ELFN2: variants seen among roughly 807,000 people sequenced by gnomAD.
ELFN2 encodes the protein protein phosphatase 1 regulatory subunit 29.
ELFN2 carries 17 observed loss-of-function variants against 45.5 expected under a neutral mutation model. The observed-to-expected ratio is 0.37, with a 90% CI of 0.26 to 0.56. ELFN2 has a LOEUF of 0.56. ELFN2 is among the 20% of genes least tolerant of loss of function. The pLI is 0.77. For synonymous variants in ELFN2, 550 were observed against 551.5 expected, an observed-to-expected ratio of 1.00 and a Z score of 0.04; for missense variants, 922 against 1,183.2, an observed-to-expected ratio of 0.78 and a Z score of 3.24.
At chr22:37,427,079 AC>A (rs1601777266) in intron 1 of ELFN2, 1 of 148,602 alleles carries the variant, frequency 6.7e-6, no homozygotes, top group South Asian at 2.1e-4. Context: ...CGCCACCACC[AC>A]CACCTCCCTC....
chr22:37,422,886 C>T (rs548192442), intron 1 of ELFN2, among the ~76,000 whole-genome samples: 3 of 150,260 alleles, frequency 2.0e-5, no homozygotes, highest in East Asian at 4.0e-4. Flanking sequence ...TGAGCCACCA[C>T]GCCCAACCAA....
At chr22:37,388,372 C>A (rs1932007771) in intron 2 of ELFN2, among the ~76,000 whole-genome samples, 1 of 152,140 alleles carries the variant, frequency 6.6e-6, no homozygotes, top group South Asian at 2.1e-4. Flanking sequence ...GCTGCTGCTA[C>A]CTCTGGACTG....
At chr22:37,419,330 C>A (rs1431441367) in intron 1 of ELFN2, among the ~76,000 whole-genome samples, 1 of 151,682 alleles carries the variant, frequency 6.6e-6, no homozygotes, top group Non-Finnish European at 1.5e-5. Flanking sequence ...ACACACTATA[C>A]CCTAACACAC....
chr22:37,365,464 G>A (rs1429701245), downstream of ELFN2, among the ~76,000 whole-genome samples: 1 of 152,224 alleles, frequency 6.6e-6, no homozygotes, highest in African/African-American at 2.4e-5. Context: ...CTGCTGCGGG[G>A]AAGAACATCA....
intron 2 of ELFN2, among the ~76,000 whole-genome samples, chr22:37,379,217 C>T (rs919804948): frequency 2.2e-4 from 33 of 152,098 alleles, no homozygotes; most frequent in African/African-American, 7.0e-4. Flanking sequence ...ATGGGGGGCG[C>T]AGGGGACACG....
chr22:37,386,621 G>A (rs1179764389), intron 2 of ELFN2, among the ~76,000 whole-genome samples: 1 of 152,170 alleles, frequency 6.6e-6, no homozygotes, highest in African/African-American at 2.4e-5. Flanking sequence ...CTGAGGCTAC[G>A]GGGGGCCTGC....
At position 37,375,777 on chromosome 22, in the gene ELFN2, G is replaced by C; in HGVS notation, c.-243C>G. 1 of 562,794 alleles carries C rather than the reference G, an allele frequency of 1.8e-6. No individual in the cohort carries two copies. The highest frequency in any genetic ancestry group is 3.2e-6 in the Non-Finnish European group (1 of 312,758). 34.9% of individuals were successfully genotyped at this position (562,794 alleles called of 1,614,324 possible). ...GCCCCACAGCCTGCTCCCCACCGCA[G>C]CGTTGCTCCTTGTCTCCTGCTAGGA... On this transcript the variant is annotated 5_prime_UTR_variant, in exon 3 of 3. Coordinates refer to ENST00000402918, the MANE Select transcript of ELFN2 (RefSeq NM_052906.5).
Position 37,373,731 on chromosome 22 carries a change from G to T in ELFN2, c.1804C>A (p.Leu602Ile). Residue 602 changes from leucine (L) to isoleucine (I), a missense_variant, in exon 3 of 3, where the codon CTT becomes ATT. By Grantham distance (5) the Leu-to-Ile change is conservative. Transcript: ENST00000402918. ...GPGALERPSF[L>I]SPPYKESSHH... ...GAGCTCTCCTTGTAGGGAGGCGAAAGGAAGCTGGGCCGCTCCAGGGCCCCG... is the reference window on the plus strand; with the variant it reads ...GAGCTCTCCTTGTAGGGAGGCGAAATGAAGCTGGGCCGCTCCAGGGCCCCG... 1 of 1,559,006 alleles carries T rather than the reference G, an allele frequency of 6.4e-7. No homozygotes were observed.
chr22:37,386,393 C>T (rs1486967843), intron 2 of ELFN2, among the ~76,000 whole-genome samples: 3 of 152,184 alleles, frequency 2.0e-5, no homozygotes, highest in Non-Finnish European at 4.4e-5. Flanking sequence ...CTAGCATGGC[C>T]CAGCACCCAG....
At chr22:37,362,081 G>A (rs1430071078) in intron 1 of ELFN2, among the ~76,000 whole-genome samples, 1 of 152,198 alleles carries the variant, frequency 6.6e-6, no homozygotes, top group Non-Finnish European at 1.5e-5. Flanking sequence ...ACATGTCCGG[G>A]GCCAACTGGA....
At chr22:37,402,930 C>T (rs1167360164) in intron 2 of ELFN2, among the ~76,000 whole-genome samples, 1 of 152,112 alleles carries the variant, frequency 6.6e-6, no homozygotes, top group African/African-American at 2.4e-5. Context: ...TTAGAGGTGG[C>T]CTGTTCCCTT....
intron 2 of ELFN2, among the ~76,000 whole-genome samples, chr22:37,380,096 G>A (rs570772173): frequency 2.3e-4 from 35 of 152,302 alleles, no homozygotes; most frequent in East Asian, 7.7e-4. Context: ...TCAGCCCCCC[G>A]CTATAGGCTG....
chr22:37,363,490 C>T (rs1369737870), downstream of ELFN2, among the ~76,000 whole-genome samples: 1 of 151,836 alleles, frequency 6.6e-6, no homozygotes, highest in Non-Finnish European at 1.5e-5. Flanking sequence ...ACGGGGAGGA[C>T]GGAAGATGCG....
chr22:37,388,769 G>A (rs545535924), intron 2 of ELFN2, among the ~76,000 whole-genome samples: 81 of 152,334 alleles, frequency 5.3e-4, no homozygotes, highest in African/African-American at 1.8e-3. Context: ...CTTCTCATCT[G>A]TAAAGTGGGA....
chr22:37,415,171 G>A (rs1415563171), intron 2 of ELFN2, among the ~76,000 whole-genome samples: 5 of 144,166 alleles, frequency 3.5e-5, no homozygotes, highest in Admixed American at 3.3e-4. Flanking sequence ...GGCCCTCTTT[G>A]GCCATCACTC....
At position 37,370,842 on chromosome 22, in the gene ELFN2, C is replaced by T. The variant is rs1427627913; in HGVS notation, c.*2230G>A. The T allele has an allele frequency of 6.6e-6, 1 of 152,182 alleles. No homozygotes were observed. The highest frequency in any genetic ancestry group is 1.9e-4 in the East Asian group (1 of 5,182). The allele number at this position is 152,182 out of a possible 1,614,324, so 9.4% of individuals were successfully genotyped here. On this transcript the variant is annotated 3_prime_UTR_variant, in exon 3 of 3. Coordinates refer to ENST00000402918, the MANE Select transcript of ELFN2 (RefSeq NM_052906.5). ...GAGTCTGGACAAACTGGCACATACA[C>T]GACAGATGTTTGCTCAGAAAAATAC...
intron 1 of ELFN2, among the ~76,000 whole-genome samples, chr22:37,343,737 A>G (rs1180278212): frequency 1.8e-5 from 1 of 55,138 alleles, no homozygotes; most frequent in Non-Finnish European, 3.5e-5. Context: ...AGCCTCCCCA[A>G]CTCATCTCCA....
chr22:37,397,924 C>T (rs950554774), intron 2 of ELFN2, among the ~76,000 whole-genome samples: 4 of 152,138 alleles, frequency 2.6e-5, no homozygotes, highest in South Asian at 2.1e-4. Flanking sequence ...TGTGTGGCCT[C>T]GGCAGCCCGC....
chr22:37,380,994 A>G (rs1931746258), intron 2 of ELFN2, among the ~76,000 whole-genome samples: 1 of 152,132 alleles, frequency 6.6e-6, no homozygotes, highest in African/African-American at 2.4e-5. Context: ...TTCCAGCACA[A>G]TGAGCCCTTA....
Sources: gnomAD v4.1 joint callset for allele counts (sites outside exome capture counted in the v4.1 genomes callset) on GRCh38, gnomAD v4.1.1 for gene constraint, MANE v1.5 for transcripts, NCBI Gene and HGNC (gene_info 2026-07-23, HGNC 2026-07-21) for gene names.